RASAL2: variants seen among roughly 807,000 people sequenced by gnomAD.
RASAL2 encodes RAS protein activator like 2, also known as ras GTPase-activating protein nGAP.
In RASAL2, 58 loss-of-function variants were observed where a neutral mutation model predicts 128.9. That is an observed-to-expected ratio of 0.45 (90% confidence interval 0.36 to 0.56). The LOEUF (loss-of-function observed/expected upper bound fraction) is 0.56. Ranked by LOEUF, RASAL2 falls within the 20% of genes least tolerant of loss-of-function variation. The probability of loss-of-function intolerance (pLI) is 0.00; values close to 1 mark genes in which losing one functional copy is unlikely to be tolerated. For missense variants in RASAL2, 1,360 were observed against 1,601.6 expected, an observed-to-expected ratio of 0.85 and a Z score of 2.57; for synonymous variants, 561 against 580.8, an observed-to-expected ratio of 0.97 and a Z score of 0.49.
chr1:178,284,535 C>T (rs1309454207), intron 2 of RASAL2, among the ~76,000 whole-genome samples: 1 of 152,178 alleles, frequency 6.6e-6, no homozygotes, highest in African/African-American at 2.4e-5. Context: ...TCTAGGTGTA[C>T]TTTCTGTTCT....
At chr1:178,170,817 T>A (rs1370275034) in intron 1 of RASAL2, among the ~76,000 whole-genome samples, 2 of 151,886 alleles carry the variant, frequency 1.3e-5, no homozygotes, top group Admixed American at 1.3e-4. Flanking sequence ...GGCACATACA[T>A]ACCAGCCCAG....
At chr1:178,321,983 C>T (rs1007709080) in intron 3 of RASAL2, among the ~76,000 whole-genome samples, 4 of 147,376 alleles carry the variant, frequency 2.7e-5, no homozygotes, top group Non-Finnish European at 4.4e-5. Flanking sequence ...AGCGAAACTC[C>T]ATCTCAAAAA....
At chr1:178,149,996 C>A (rs1660860396) in intron 1 of RASAL2, among the ~76,000 whole-genome samples, 1 of 152,110 alleles carries the variant, frequency 6.6e-6, no homozygotes, top group African/African-American at 2.4e-5. Context: ...GGTTCAACTT[C>A]TACTTTTTCC....
At chr1:178,096,843 T>C (rs940657904) in intron 1 of RASAL2, among the ~76,000 whole-genome samples, 5 of 152,124 alleles carry the variant, frequency 3.3e-5, no homozygotes, top group African/African-American at 1.2e-4. Context: ...TATTTTGTTG[T>C]CTTTAGTTTA....
intron 3 of RASAL2, among the ~76,000 whole-genome samples, chr1:178,366,596 A>C (rs1355495991): frequency 1.1e-3 from 38 of 34,636 alleles, no homozygotes; most frequent in Middle Eastern, 0.021. Flanking sequence ...CCCCCCCGCC[A>C]AAAAAAAACA....
chr1:178,451,623 C>T lies in RASAL2; in HGVS notation c.1680C>T (p.Pro560=). 3 of 1,613,840 alleles carry T rather than the reference C, an allele frequency of 1.9e-6. No individual in the cohort carries two copies. The highest frequency in any genetic ancestry group is 2.5e-6 in the Non-Finnish European group (3 of 1,179,810). ...CCGATGAGAACTGTGAAGTGGATCC[C>T]AGCAAATGTTCATCTAGTGAACTGA... The part of the protein sequence containing the change: ...YESDENCEVD[P]SKCSSSELID... Residue 560 remains proline, a synonymous_variant, in exon 10 of 18, where the codon CCC becomes CCT. Coordinates refer to ENST00000367649, the MANE Select transcript of RASAL2 (RefSeq NM_170692.4).
chr1:178,450,944 C>G (rs1383574953), intron 9 of RASAL2, among the ~76,000 whole-genome samples: 1 of 152,132 alleles, frequency 6.6e-6, no homozygotes, highest in East Asian at 1.9e-4. Context: ...GGAATTTGTT[C>G]TTTCAGGGAA....
At chr1:178,188,300 G>A (rs1662377838) in intron 1 of RASAL2, among the ~76,000 whole-genome samples, 2 of 152,092 alleles carry the variant, frequency 1.3e-5, no homozygotes, top group Admixed American at 1.3e-4. Flanking sequence ...ATTCATTGAG[G>A]CCATTGTATT....
At chr1:178,239,722 A>G (rs1309257978) in intron 1 of RASAL2, among the ~76,000 whole-genome samples, 2 of 152,034 alleles carry the variant, frequency 1.3e-5, no homozygotes, top group African/African-American at 4.8e-5. Flanking sequence ...ACATGCCAGA[A>G]TCTAAGAGTA....
intron 4 of RASAL2, among the ~76,000 whole-genome samples, chr1:178,411,193 C>T (rs1215837082): frequency 7.1e-6 from 1 of 141,816 alleles, no homozygotes; most frequent in South Asian, 2.3e-4. Flanking sequence ...CACACACACA[C>T]CCCATGGAAT....
chr1:178,400,045 T>G (rs1166737654), intron 4 of RASAL2, among the ~76,000 whole-genome samples: 2 of 152,230 alleles, frequency 1.3e-5, no homozygotes, highest in African/African-American at 4.8e-5. Context: ...TCCCCTCTTC[T>G]TTCCCTTCAT....
At chr1:178,344,892 T>G (rs1670071175) in intron 3 of RASAL2, among the ~76,000 whole-genome samples, 1 of 152,214 alleles carries the variant, frequency 6.6e-6, no homozygotes, top group Non-Finnish European at 1.5e-5. Context: ...TATTTTTAAC[T>G]GCTGATGGGA....
chr1:178,359,871 A>G (rs1671016890), intron 3 of RASAL2, among the ~76,000 whole-genome samples: 1 of 152,218 alleles, frequency 6.6e-6, no homozygotes, highest in Non-Finnish European at 1.5e-5. Flanking sequence ...TGAGACCTTA[A>G]TAAATGATAG....
At chr1:178,145,039 A>G (rs1211891472) in intron 1 of RASAL2, among the ~76,000 whole-genome samples, 1 of 152,188 alleles carries the variant, frequency 6.6e-6, no homozygotes, top group Non-Finnish European at 1.5e-5. Context: ...TGGGAAATAA[A>G]TGAATGCTGT....
chr1:178,393,803 C>T (rs1254229801), intron 4 of RASAL2, among the ~76,000 whole-genome samples: 1 of 152,176 alleles, frequency 6.6e-6, no homozygotes, highest in East Asian at 1.9e-4. Context: ...GTACCTCCCA[C>T]AGAGCAAACA....
chr1:178,310,849 A>C (rs1275579795), intron 3 of RASAL2, among the ~76,000 whole-genome samples: 2 of 152,176 alleles, frequency 1.3e-5, no homozygotes, highest in African/African-American at 4.8e-5. Context: ...GAGTTTCTTC[A>C]ATAAAGGACT....
chr1:178,328,026 A>G (rs908494129), intron 3 of RASAL2, among the ~76,000 whole-genome samples: 2 of 152,128 alleles, frequency 1.3e-5, no homozygotes, highest in African/African-American at 2.4e-5. Context: ...GGCTCTGCCT[A>G]TGCCTTGATT....
chr1:178,441,292 A>G (rs1299491321), intron 6 of RASAL2, among the ~76,000 whole-genome samples: 1 of 152,182 alleles, frequency 6.6e-6, no homozygotes, highest in African/African-American at 2.4e-5. Flanking sequence ...TCAGAGGATG[A>G]GACTAACAAT....
chr1:178,170,514 A>C (rs900937019), intron 1 of RASAL2, among the ~76,000 whole-genome samples: 3 of 151,734 alleles, frequency 2.0e-5, no homozygotes, highest in African/African-American at 7.2e-5. Flanking sequence ...TTTAATATTT[A>C]TTCATATGTA....
Sources: gnomAD v4.1 joint callset for allele counts (sites outside exome capture counted in the v4.1 genomes callset) on GRCh38, gnomAD v4.1.1 for gene constraint, MANE v1.5 for transcripts, NCBI Gene and HGNC (gene_info 2026-07-23, HGNC 2026-07-21) for gene names.